Variants in AGO2 observed in about 807,000 individuals in gnomAD.
AGO2 encodes the protein argonaute RISC catalytic component 2, also known as protein argonaute-2.
Under a neutral mutation model 102.3 loss-of-function variants are expected in AGO2, and 5 were observed. The observed-to-expected ratio is 0.05, with a 90% CI of 0.03 to 0.10. The LOEUF (loss-of-function observed/expected upper bound fraction) is 0.10. Among genes scored for constraint, AGO2 ranks in the 10% least tolerant of loss-of-function variants. The pLI, the probability that AGO2 is intolerant of heterozygous loss-of-function variation, is 1.00. For synonymous variants in AGO2, 449 were observed against 473.1 expected, an observed-to-expected ratio of 0.95 and a Z score of 0.66; for missense variants, 541 against 1,183.7, an observed-to-expected ratio of 0.46 and a Z score of 7.97.
intron 1 of AGO2, among the ~76,000 whole-genome samples, chr8:140,594,795 T>C (rs975256037): frequency 9.1e-5 from 13 of 142,278 alleles, no homozygotes; most frequent in African/African-American, 2.6e-4. Context: ...GCTGACACAG[T>C]GAGAACCCGT....
At position 140,523,037 on chromosome 8, in the gene AGO2, T is replaced by A. The variant is rs190036506; in HGVS notation, c.*9007A>T. 225 of 152,328 alleles carry A rather than the reference T, an allele frequency of 1.5e-3. No homozygotes were observed. Among genetic ancestry groups the A allele is most frequent in the African/African-American group, 5.0e-3 (209 of 41,580 alleles). The allele number at this position is 152,328 out of a possible 1,614,324, so 9.4% of individuals were successfully genotyped here. On this transcript the variant is annotated 3_prime_UTR_variant, in exon 19 of 19. Coordinates refer to ENST00000220592, the MANE Select transcript of AGO2 (RefSeq NM_012154.5). ...TATAATTTTATAATTAATTTTACAA[T>A]TCATGTAGCAAATGGAAAATCATAC...
In AGO2 at chr8:140,567,340, AAG is replaced by A. The variant is rs1272459816; in HGVS notation, c.337-4708_337-4707del. Among the ~76,000 whole-genome samples the A allele has an allele frequency of 6.6e-6, 1 of 152,220 alleles. No individual in the cohort carries two copies. Among genetic ancestry groups the A allele is most frequent in the African/African-American group, 2.4e-5 (1 of 41,458 alleles). The stretch of plus-strand genomic sequence containing the variant: ...GAGGGCAGGAGGCACATGGCTCTCC[AAG>A]GGACAGGCACCGTGTGCGTCTGGGC... On this transcript the variant is annotated intron_variant, in intron 3 of 18. Transcript: ENST00000220592. The surrounding 1 kb of genome is among the most constrained non-coding windows in gnomAD (Gnocchi z 5.0).
At chr8:140,609,488 GT>G (rs1372779931) in intron 1 of AGO2, among the ~76,000 whole-genome samples, 1 of 152,178 alleles carries the variant, frequency 6.6e-6, no homozygotes, top group East Asian at 1.9e-4. Context: ...CCATCACCCC[GT>G]GCACTGCTCC....
chr8:140,540,763 A>T lies in AGO2; in HGVS notation c.2034+401T>A, dbSNP rs555133983. Among the ~76,000 whole-genome samples the T allele has an allele frequency of 7.2e-5, 11 of 152,262 alleles. No individual in the cohort carries two copies. The East Asian group carries it at 1.7e-3, about 24-fold the overall frequency. On this transcript the variant is annotated intron_variant, in intron 15 of 18. Transcript: ENST00000220592. The surrounding 1 kb of genome is among the most constrained non-coding windows in gnomAD (Gnocchi z 5.0). ...CCTGCCTCCACACCTCTCACACTGC[A>T]GACAGGCGTCCCCAGACGCAATGAG...
chr8:140,599,249 G>A (rs2073894196), intron 1 of AGO2, among the ~76,000 whole-genome samples: 1 of 152,198 alleles, frequency 6.6e-6, no homozygotes, highest in African/African-American at 2.4e-5. Context: ...CGTCCGTTAT[G>A]TGGTGGCGTC....
rs115256068 is a variant in AGO2, at chr8:140,570,637, C to T, written c.336+2175G>A. Among the ~76,000 whole-genome samples the T allele has an allele frequency of 3.2e-3, 484 of 152,296 alleles. 4 individuals carry two copies. The highest frequency in any genetic ancestry group is 0.011 in the African/African-American group (469 of 41,542). On this transcript the variant is annotated intron_variant, in intron 3 of 18. Coordinates refer to ENST00000220592, the MANE Select transcript of AGO2 (RefSeq NM_012154.5). ...ATGCACCACCCAGGACCGTGGGGCA[C>T]AGGCACCGGACGGGGATGTACATGC...
intron 3 of AGO2, among the ~76,000 whole-genome samples, chr8:140,564,095 A>G (rs2944755): frequency 0.81 from 123,204 of 152,232 alleles, 50,572 homozygotes; most frequent in East Asian, 0.99. Context: ...AGATGAGGGC[A>G]GGGAAAAAGG....
At chr8:140,594,572 G>C (rs957225578) in intron 1 of AGO2, among the ~76,000 whole-genome samples, 1 of 151,962 alleles carries the variant, frequency 6.6e-6, no homozygotes, top group Non-Finnish European at 1.5e-5. Flanking sequence ...TGGATCACTT[G>C]AGGCCACAAG....
rs186185760 is a variant in AGO2 at position 140,553,247 on chromosome 8, G to A, written c.1270-1811C>T. On this transcript the variant is annotated intron_variant, in intron 10 of 18. Transcript: ENST00000220592. Reference sequence around the variant, plus strand: ...CAAAACATTAAAAACCTAGCTGGGTGTGGTGGTGTGGCTGTGGTCCCAGCA... The same window carrying A: ...CAAAACATTAAAAACCTAGCTGGGTATGGTGGTGTGGCTGTGGTCCCAGCA... Among the ~76,000 whole-genome samples the A allele has an allele frequency of 2.5e-3, 380 of 152,068 alleles. 3 individuals are homozygous for A. The highest frequency in any genetic ancestry group is 8.6e-3 in the African/African-American group (356 of 41,490).
At chr8:140,576,412 T>C (rs1212784418) in intron 2 of AGO2, among the ~76,000 whole-genome samples, 2 of 152,224 alleles carry the variant, frequency 1.3e-5, no homozygotes, top group African/African-American at 2.4e-5. Flanking sequence ...CTTGTATGCA[T>C]AATGTATTTA....
At position 140,532,631 on chromosome 8, in the gene AGO2, A is replaced by G. The variant is rs770716336; in HGVS notation, c.2272-16T>C. ...TGCTTGTCCCCTAAAGCAGATCAGA[A>G]GATTAGACAGTTGGACTCGCATAAA... On this transcript the variant is annotated splice_polypyrimidine_tract_variant and intron_variant, in intron 17 of 18. Transcript: ENST00000220592. The G allele has an allele frequency of 5.0e-6, 8 of 1,612,500 alleles. No homozygotes were observed. The highest frequency in any genetic ancestry group is 6.8e-6 in the Non-Finnish European group (8 of 1,178,602).
intron 18 of AGO2, 50 bp from the exon 19 acceptor site, chr8:140,532,202 G>T: frequency 6.5e-7 from 1 of 1,529,384 alleles, no homozygotes; most frequent in Non-Finnish European, 9.0e-7. Context: ...CTTAATGCAC[G>T]ATGAGGCAGT....
intron 1 of AGO2, among the ~76,000 whole-genome samples, chr8:140,605,075 C>G (rs1237114236): frequency 6.6e-6 from 1 of 152,010 alleles, no homozygotes; most frequent in Non-Finnish European, 1.5e-5. Flanking sequence ...TCCTTTCATA[C>G]ATATTTGAAA....
intron 6 of AGO2, 128 bp downstream of exon 6, chr8:140,559,267 T>A: frequency 8.4e-7 from 1 of 1,192,966 alleles, no homozygotes; most frequent in Non-Finnish European, 1.2e-6. Context: ...CCTCATCTGA[T>A]GGCTACATTC....
intron 1 of AGO2, among the ~76,000 whole-genome samples, chr8:140,606,459 T>C (rs1290988725): frequency 1.3e-5 from 2 of 152,250 alleles, no homozygotes; most frequent in Non-Finnish European, 2.9e-5. Flanking sequence ...TGATGTACTT[T>C]GTTTTGCTTA....
chr8:140,539,581 CGGGGA>C lies in AGO2; in HGVS notation c.2035-132_2035-128del. On this transcript the variant is annotated intron_variant, in intron 15 of 18. Transcript: ENST00000220592. The surrounding 1 kb of genome is among the most constrained non-coding windows in gnomAD (Gnocchi z 4.7). ...TTCTGAGAGACAATGAGTGTGTTCA[CGGGGA>C]GGTGAAAACACGGGGGCAGAAACCA... The C allele has an allele frequency of 3.4e-6, 4 of 1,173,240 alleles. No individual in the cohort carries two copies. Among genetic ancestry groups the C allele is most frequent in the Non-Finnish European group, 4.8e-6 (4 of 841,612 alleles). The allele number at this position is 1,173,240 out of a possible 1,614,324, so 72.7% of individuals were successfully genotyped here. A position where few individuals can be genotyped will look rare whatever the true frequency, so the allele number is the denominator to read the frequency against.
At chr8:140,549,932 C>T (rs1277433549) in intron 11 of AGO2, among the ~76,000 whole-genome samples, 1 of 152,190 alleles carries the variant, frequency 6.6e-6, no homozygotes, top group Non-Finnish European at 1.5e-5. Flanking sequence ...ATGTCACCTT[C>T]TACAATAAGG....
chr8:140,624,339 C>T (rs765190641), intron 1 of AGO2, among the ~76,000 whole-genome samples: 2 of 152,218 alleles, frequency 1.3e-5, no homozygotes, highest in African/African-American at 2.4e-5. Flanking sequence ...GGAGCCAGAA[C>T]GTCCACACTG....
intron 1 of AGO2, among the ~76,000 whole-genome samples, chr8:140,603,348 C>T (rs1264351524): frequency 1.3e-5 from 2 of 152,186 alleles, no homozygotes; most frequent in Non-Finnish European, 2.9e-5. Context: ...AGGAGGGATC[C>T]AGGGCCAGGT....
Sources: allele counts gnomAD v4.1 joint callset (sites outside exome capture counted in the v4.1 genomes callset), GRCh38; gene constraint gnomAD v4.1.1; non-coding constraint Gnocchi (gnomAD v3.1); transcripts MANE v1.5; gene names NCBI Gene and HGNC (gene_info 2026-07-23, HGNC 2026-07-21).